The following TCF4 variants were observed in gnomAD, a reference collection of about 807,000 sequenced individuals.
The protein encoded by TCF4 is SL3-3 enhancer factor 2.
In TCF4, 3 loss-of-function variants were observed where a neutral mutation model predicts 82.1. That is an observed-to-expected ratio of 0.04 (90% CI 0.02 to 0.09). The LOEUF is 0.09. Among genes scored for constraint, TCF4 ranks in the 10% least tolerant of loss-of-function variants. The probability of loss-of-function intolerance (pLI) is 1.00; values close to 1 mark genes in which losing one functional copy is unlikely to be tolerated. For synonymous variants in TCF4, 276 were observed against 309.6 expected (o/e 0.89, Z 1.14); for missense variants, 518 against 852.7 (o/e 0.61, Z 4.89).
At chr18:55,493,923 T>C (rs2096602246) in intron 3 of TCF4, among the ~76,000 whole-genome samples, 1 of 152,086 alleles carries the variant, frequency 6.6e-6, no homozygotes, top group Non-Finnish European at 1.5e-5. Context: ...CAGCAAGATA[T>C]ATTTCACATA....
At chr18:55,620,902 A>C (rs1475290424) in intron 2 of TCF4, among the ~76,000 whole-genome samples, 1 of 150,638 alleles carries the variant, frequency 6.6e-6, no homozygotes, top group Non-Finnish European at 1.5e-5. Context: ...ACAAACATTT[A>C]TGTACCAGAC....
chr18:55,225,028 A>T lies in TCF4; in HGVS notation c.*3007T>A, dbSNP rs546977826. ...GATACCAATATCTTACCTGGGTTTG[A>T]TAATTACAAAACAACAACAATAAAA... On this transcript the variant is annotated 3_prime_UTR_variant, in exon 20 of 20. Transcript: ENST00000354452. 1.3e-5 allele frequency: 2 copies of T among 152,282 alleles called. No individual in the cohort carries two copies. The highest frequency in any genetic ancestry group is 1.3e-4 in the Admixed American group (2 of 15,290). The allele number at this position is 152,282 out of a possible 1,614,324, so 9.4% of individuals were successfully genotyped here. A position where few individuals can be genotyped will look rare whatever the true frequency, so the allele number is the denominator to read the frequency against.
At chr18:55,568,867 C>T (rs1053942389) in intron 3 of TCF4, among the ~76,000 whole-genome samples, 1 of 151,930 alleles carries the variant, frequency 6.6e-6, no homozygotes, top group East Asian at 1.9e-4. Flanking sequence ...GAGTCCAGGA[C>T]AATATTTTTA....
intron 2 of TCF4, chr18:55,586,153 G>GAGC (rs55725917): frequency 0.025 from 17,919 of 705,632 alleles, 1,863 homozygotes; most frequent in East Asian, 0.06. Context: ...GGAGGAGGAG[G>GAGC]AGCAGCAGCA....
At chr18:55,436,460 C>T (rs2095331455) in intron 5 of TCF4, among the ~76,000 whole-genome samples, 1 of 152,168 alleles carries the variant, frequency 6.6e-6, no homozygotes, top group Admixed American at 6.5e-5. Context: ...TTTCTAAATT[C>T]CATACATTTT....
intron 15 of TCF4, among the ~76,000 whole-genome samples, chr18:55,249,456 G>A (rs1411741785): frequency 1.3e-5 from 2 of 152,182 alleles, no homozygotes; most frequent in Non-Finnish European, 2.9e-5. Context: ...GGACAGGTGT[G>A]TGGGGTGAGT....
chr18:55,498,085 G>A (rs1334990577), intron 3 of TCF4, among the ~76,000 whole-genome samples: 1 of 151,756 alleles, frequency 6.6e-6, no homozygotes, highest in Non-Finnish European at 1.5e-5. Flanking sequence ...TTCCCTGGGA[G>A]TCTACACCAA....
chr18:55,447,687 G>A (rs1469900136), intron 5 of TCF4, among the ~76,000 whole-genome samples: 1 of 152,144 alleles, frequency 6.6e-6, no homozygotes, highest in Non-Finnish European at 1.5e-5. Flanking sequence ...TCGATAACAT[G>A]TTAATTTTAT....
chr18:55,581,869 T>C (rs1210946086), intron 3 of TCF4, among the ~76,000 whole-genome samples: 1 of 152,078 alleles, frequency 6.6e-6, no homozygotes, highest in African/African-American at 2.4e-5. Flanking sequence ...CATTTGACAA[T>C]CTTTTAACAA....
chr18:55,509,211 G>A (rs1603617694), intron 3 of TCF4, among the ~76,000 whole-genome samples: 1 of 151,996 alleles, frequency 6.6e-6, no homozygotes, highest in Admixed American at 6.6e-5. Flanking sequence ...TAGACACAGG[G>A]CAGGTTTTTA....
chr18:55,621,795 TTA>T (rs1188789320), intron 2 of TCF4, among the ~76,000 whole-genome samples: 222 of 88,542 alleles, frequency 2.5e-3, no homozygotes, highest in African/African-American at 8.0e-3. Context: ...ATATTATATA[TTA>T]TATGTTATAT....
intron 8 of TCF4, among the ~76,000 whole-genome samples, chr18:55,336,402 G>A (rs369588895): frequency 5.9e-5 from 9 of 152,062 alleles, no homozygotes; most frequent in Admixed American, 3.9e-4. Flanking sequence ...CCATGTGCAC[G>A]TGGGTCATTT....
At chr18:55,605,756 A>G (rs2097701663) in intron 2 of TCF4, among the ~76,000 whole-genome samples, 1 of 152,224 alleles carries the variant, frequency 6.6e-6, no homozygotes, top group African/African-American at 2.4e-5. Context: ...GATGAGGCAG[A>G]TATTAGTACT....
chr18:55,420,368 A>T (rs2094688688), intron 5 of TCF4, among the ~76,000 whole-genome samples: 1 of 152,206 alleles, frequency 6.6e-6, no homozygotes, highest in African/African-American at 2.4e-5. Context: ...TACCATGATT[A>T]TGTGTAAAAA....
intron 3 of TCF4, among the ~76,000 whole-genome samples, chr18:55,467,675 C>T (rs978810396): frequency 6.6e-6 from 1 of 152,176 alleles, no homozygotes; most frequent in Non-Finnish European, 1.5e-5. Context: ...CTTGTCCAGA[C>T]TCATTTTCAT....
At chr18:55,542,390 A>G (rs938160670) in intron 3 of TCF4, among the ~76,000 whole-genome samples, 3 of 151,952 alleles carry the variant, frequency 2.0e-5, no homozygotes, top group Non-Finnish European at 4.4e-5. Flanking sequence ...TATCTTAGGT[A>G]CTGAATTCTA....
rs537409561 is a variant in TCF4, at chr18:55,604,087, G to A, written c.287-16951C>T. The stretch of plus-strand genomic sequence containing the variant: ...ACAGTCCTTACTCAGAACAAGCGTT[G>A]GACACATTTTTATTGAATGACTGGG... On this transcript the variant is annotated intron_variant, in intron 2 of 20. Transcript: ENST00000398339. Among the ~76,000 whole-genome samples, 3 of 152,046 alleles carry A rather than the reference G, an allele frequency of 2.0e-5. No homozygotes were observed. In the South Asian group the frequency reaches 6.3e-4, roughly 32 times the overall value.
intron 3 of TCF4, among the ~76,000 whole-genome samples, chr18:55,525,007 C>A (rs969302307): frequency 1.3e-5 from 2 of 152,172 alleles, no homozygotes; most frequent in African/African-American, 2.4e-5. Flanking sequence ...CTTCCTCCAT[C>A]TCTGGCTTCC....
At chr18:55,274,954 A>G (rs2061164164) in intron 10 of TCF4, among the ~76,000 whole-genome samples, 1 of 152,176 alleles carries the variant, frequency 6.6e-6, no homozygotes, top group Non-Finnish European at 1.5e-5. Context: ...CAGAGTGGAA[A>G]TGTTTAGTAA....
Sources: allele counts gnomAD v4.1 joint callset (sites outside exome capture counted in the v4.1 genomes callset), GRCh38; gene constraint gnomAD v4.1.1; transcripts MANE v1.5; gene names NCBI Gene and HGNC (gene_info 2026-07-23, HGNC 2026-07-21).